The following SSBP2 variants were observed in gnomAD, a reference collection of about 807,000 sequenced individuals.
SSBP2 encodes the protein single stranded DNA binding protein 2.
SSBP2 carries 17 observed loss-of-function variants against 61.8 expected under a neutral mutation model. That is an observed-to-expected ratio of 0.28 (90% CI 0.19 to 0.41). SSBP2 has a LOEUF of 0.41. Ranked by LOEUF, SSBP2 falls within the 10% of genes least tolerant of loss-of-function variation. SSBP2 has a pLI of 1.00. For synonymous variants in SSBP2, 139 were observed against 141.3 expected (o/e 0.98, Z 0.12); for missense variants, 310 against 458.7 (o/e 0.68, Z 2.96).
chr5:81,634,707 T>C (rs1254729780), intron 3 of SSBP2, among the ~76,000 whole-genome samples: 3 of 152,222 alleles, frequency 2.0e-5, no homozygotes, highest in Non-Finnish European at 2.9e-5. Context: ...TCCAACATAA[T>C]GAATTTCTTT....
intron 14 of SSBP2, 22 bp from the exon 15 acceptor site, chr5:81,437,480 A>G (rs764602167): frequency 6.3e-7 from 1 of 1,599,224 alleles, no homozygotes; most frequent in South Asian, 1.1e-5. Flanking sequence ...TATAAAAAGA[A>G]AGCCTTTATT....
intron 16 of SSBP2, among the ~76,000 whole-genome samples, chr5:81,425,607 CTA>C (rs1346372865): frequency 6.6e-6 from 1 of 152,038 alleles, no homozygotes; most frequent in Non-Finnish European, 1.5e-5. Flanking sequence ...GCATGAAAAA[CTA>C]TTTTTTTTGA....
At position 81,735,166 on chromosome 5, in the gene SSBP2, T is replaced by C. The variant is rs899606146; in HGVS notation, c.62+15815A>G. The stretch of plus-strand genomic sequence containing the variant: ...GATGTTGCAAATTATATTAAATATA[T>C]AGAGATAAACCTAATTTATTGTATC... On this transcript the variant is annotated intron_variant, in intron 1 of 16. Coordinates refer to ENST00000320672, the MANE Select transcript of SSBP2 (RefSeq NM_012446.5). Among the ~76,000 whole-genome samples the C allele has an allele frequency of 3.3e-5, 5 of 152,076 alleles. No individual in the cohort carries two copies. In the East Asian group the frequency reaches 7.7e-4, roughly 23 times the overall value.
chr5:81,640,459 A>T (rs1214880990), intron 2 of SSBP2, among the ~76,000 whole-genome samples: 1 of 152,172 alleles, frequency 6.6e-6, no homozygotes, highest in Admixed American at 6.5e-5. Flanking sequence ...ATAAACCAGA[A>T]CACATCATAT....
intron 8 of SSBP2, among the ~76,000 whole-genome samples, chr5:81,467,982 T>C (rs1220511378): frequency 6.6e-6 from 1 of 152,028 alleles, no homozygotes; most frequent in Non-Finnish European, 1.5e-5. Context: ...CAAATCTTTA[T>C]ATCTGATCAT....
intron 3 of SSBP2, chr5:81,616,324 T>A (rs1746024298): frequency 7.0e-6 from 1 of 143,556 alleles, no homozygotes; most frequent in Non-Finnish European, 1.5e-5. Context: ...CCTTTCCGAG[T>A]CAAAGAAAGG....
chr5:81,569,364 G>T (rs1773675656), intron 4 of SSBP2, among the ~76,000 whole-genome samples: 2 of 152,094 alleles, frequency 1.3e-5, no homozygotes. Flanking sequence ...TTGGGTTAAT[G>T]AAACAGTTTA....
chr5:81,637,686 G>GA (rs1255107288), intron 2 of SSBP2, among the ~76,000 whole-genome samples: 1 of 152,060 alleles, frequency 6.6e-6, no homozygotes, highest in Non-Finnish European at 1.5e-5. Flanking sequence ...TTGTTGTGAG[G>GA]AAAAAACTGG....
At chr5:81,605,832 T>C (rs747318086) in intron 4 of SSBP2, among the ~76,000 whole-genome samples, 1 of 152,078 alleles carries the variant, frequency 6.6e-6, no homozygotes, top group Non-Finnish European at 1.5e-5. Flanking sequence ...CCCTGAATGA[T>C]GGGAGAGCTT....
intron 4 of SSBP2, among the ~76,000 whole-genome samples, chr5:81,604,592 A>G (rs1490306661): frequency 6.6e-6 from 1 of 152,122 alleles, no homozygotes; most frequent in Non-Finnish European, 1.5e-5. Context: ...AGACAAACAA[A>G]AATCTTTTAA....
intron 8 of SSBP2, among the ~76,000 whole-genome samples, chr5:81,473,185 C>CA (rs1337428898): frequency 6.6e-6 from 1 of 152,112 alleles, no homozygotes; most frequent in East Asian, 1.9e-4. Context: ...GTGAAGGAGG[C>CA]AAAAAGCTCA....
intron 4 of SSBP2, among the ~76,000 whole-genome samples, chr5:81,516,151 T>C (rs959749120): frequency 2.0e-5 from 3 of 152,110 alleles, no homozygotes; most frequent in African/African-American, 7.2e-5. Flanking sequence ...TTAAATAGGA[T>C]AGTCAAGCAA....
intron 6 of SSBP2, among the ~76,000 whole-genome samples, chr5:81,482,666 C>T (rs1389094094): frequency 6.6e-6 from 1 of 152,202 alleles, no homozygotes; most frequent in East Asian, 1.9e-4. Flanking sequence ...TAGGCTTTGG[C>T]TTAAGGGAAT....
chr5:81,592,208 G>C (rs1303246392), intron 4 of SSBP2, among the ~76,000 whole-genome samples: 1 of 152,230 alleles, frequency 6.6e-6, no homozygotes, highest in Non-Finnish European at 1.5e-5. Context: ...GGCTCGGAGG[G>C]TCCTACGCCC....
intron 16 of SSBP2, among the ~76,000 whole-genome samples, chr5:81,421,257 T>A (rs1322313694): frequency 6.6e-6 from 1 of 152,180 alleles, no homozygotes; most frequent in East Asian, 1.9e-4. Context: ...AGTGGTGTGA[T>A]CTCAGCTCAC....
At chr5:81,648,160 G>GT (rs770395058) in intron 2 of SSBP2, among the ~76,000 whole-genome samples, 124 of 152,156 alleles carry the variant, frequency 8.1e-4, no homozygotes, top group Non-Finnish European at 1.5e-3. Flanking sequence ...TTAAGACACT[G>GT]TAAGTTGACA....
In SSBP2 at chr5:81,545,755, G is replaced by A. The variant is rs534594692; in HGVS notation, c.283-32038C>T. ...AAAACAATATATGGCAAATTAAAAG[G>A]GAAAACTGTGTTAATAAACAGTCTT... On this transcript the variant is annotated intron_variant, in intron 4 of 16. Coordinates refer to ENST00000320672, the MANE Select transcript of SSBP2 (RefSeq NM_012446.5). 3.3e-5 allele frequency among the ~76,000 whole-genome samples: 5 copies of A among 152,230 alleles called. No individual in the cohort carries two copies. In the South Asian group the frequency reaches 1.0e-3, roughly 32 times the overall value.
chr5:81,493,353 T>C (rs901384906), intron 5 of SSBP2, among the ~76,000 whole-genome samples: 3 of 151,946 alleles, frequency 2.0e-5, no homozygotes, highest in Non-Finnish European at 2.9e-5. Context: ...GCCATGATCA[T>C]GGCTCCCTGC....
At position 81,493,196 on chromosome 5, in the gene SSBP2, A is replaced by G. The variant is rs192985348; in HGVS notation, c.373-3887T>C. Among the ~76,000 whole-genome samples the G allele has an allele frequency of 5.2e-3, 790 of 151,886 alleles. 6 individuals carry two copies. The highest frequency in any genetic ancestry group is 0.018 in the African/African-American group (745 of 41,408). The stretch of plus-strand genomic sequence containing the variant: ...AATTTGTTCATTCAAAAACATATAT[A>G]TATATTCAAAAACATATATATATCA... On this transcript the variant is annotated intron_variant, in intron 5 of 16. Transcript: ENST00000320672.
Sources: allele counts gnomAD v4.1 joint callset (sites outside exome capture counted in the v4.1 genomes callset), GRCh38; gene constraint gnomAD v4.1.1; transcripts MANE v1.5; gene names NCBI Gene and HGNC (gene_info 2026-07-23, HGNC 2026-07-21).